The following FOXN3 variants were observed in gnomAD, a reference collection of about 807,000 sequenced individuals.
The protein encoded by FOXN3 is forkhead box protein N3.
Under a neutral mutation model 38.4 loss-of-function variants are expected in FOXN3, and 7 were observed. The ratio of observed to expected loss-of-function variants is 0.18; its 90% CI spans 0.10 to 0.34. The LOEUF (loss-of-function observed/expected upper bound fraction) is 0.34. FOXN3 is among the 10% of genes least tolerant of loss of function. The pLI, the probability that FOXN3 is intolerant of heterozygous loss-of-function variation, is 1.00. For missense variants in FOXN3, 456 were observed against 613.4 expected, an observed-to-expected ratio of 0.74 and a Z score of 2.71; for synonymous variants, 230 against 242.2, an observed-to-expected ratio of 0.95 and a Z score of 0.47.
At chr14:89,359,321 T>A (rs1439141853) in intron 2 of FOXN3, among the ~76,000 whole-genome samples, 3 of 149,306 alleles carry the variant, frequency 2.0e-5, no homozygotes, top group African/African-American at 5.0e-5. Flanking sequence ...AAAAAAAAAA[T>A]CAGCTCTTGT....
At chr14:89,193,467 G>A (rs535157074) in intron 4 of FOXN3, among the ~76,000 whole-genome samples, 4 of 152,234 alleles carry the variant, frequency 2.6e-5, no homozygotes, top group South Asian at 4.1e-4. Flanking sequence ...ACCTAAGTGG[G>A]ACATTCCCAA....
chr14:89,279,569 C>A (rs1249813527), intron 4 of FOXN3, among the ~76,000 whole-genome samples: 2 of 152,090 alleles, frequency 1.3e-5, no homozygotes, highest in East Asian at 3.8e-4. Context: ...TGAAAAGAAC[C>A]CAAAGGCTGA....
intron 4 of FOXN3, among the ~76,000 whole-genome samples, chr14:89,252,871 C>G (rs58218706): frequency 0.041 from 6,247 of 152,238 alleles, 270 homozygotes; most frequent in African/African-American, 0.11. Context: ...CATGCGTTTT[C>G]AACTGAGTGT....
rs182065842 is a variant in FOXN3 at position 89,498,400 on chromosome 14, T to C, written c.-14-85910A>G. On this transcript the variant is annotated intron_variant, in intron 1 of 6. Transcript: ENST00000345097. ...ACCACACCCAGCTAAATTTTTTGTA[T>C]TTTTAGTAGAGATGGGGTTTCACTG... is the stretch of plus-strand genomic sequence containing the variant. Among the ~76,000 whole-genome samples, 506 of 152,046 alleles carry C rather than the reference T, an allele frequency of 3.3e-3. 9 individuals are homozygous for C. The highest frequency in any genetic ancestry group is 1.2e-3 in the Non-Finnish European group (84 of 67,986).
intron 3 of FOXN3, among the ~76,000 whole-genome samples, chr14:89,327,673 G>C (rs1482405712): frequency 3.3e-5 from 5 of 152,322 alleles, no homozygotes; most frequent in African/African-American, 1.2e-4. Context: ...GGGCCTCAAA[G>C]TGTTGCTAGG....
Position 89,323,747 on chromosome 14 carries a change from G to A in FOXN3, c.680+26925C>T, listed in dbSNP as rs57106394. Among the ~76,000 whole-genome samples, 69 of 78,726 alleles carry A rather than the reference G, an allele frequency of 8.8e-4. No homozygotes were observed. In the East Asian group the frequency reaches 0.017, roughly 19 times the overall value. The allele number at this position is 78,726 out of a possible 152,430, so 51.6% of individuals were successfully genotyped here. On this transcript the variant is annotated intron_variant, in intron 3 of 5. Coordinates refer to ENST00000557258, the MANE Select transcript of FOXN3 (RefSeq NM_005197.4). Reference sequence around the variant, plus strand: ...ACAAACAAACAAACAAACAAAAAACGGAGAGGACCCATGGCAGTGACAACA... The same window carrying A: ...ACAAACAAACAAACAAACAAAAAACAGAGAGGACCCATGGCAGTGACAACA...
At chr14:89,491,454 A>G (rs1893573395) in intron 1 of FOXN3, among the ~76,000 whole-genome samples, 1 of 152,246 alleles carries the variant, frequency 6.6e-6, no homozygotes, top group South Asian at 2.1e-4. Flanking sequence ...GCATCTGGAC[A>G]GAGGTAACGG....
At chr14:89,568,543 G>A (rs1368875597) in intron 1 of FOXN3, among the ~76,000 whole-genome samples, 2 of 152,286 alleles carry the variant, frequency 1.3e-5, no homozygotes, top group East Asian at 1.9e-4. Flanking sequence ...GAACTCCTTC[G>A]GGATTTTTAG....
intron 1 of FOXN3, among the ~76,000 whole-genome samples, chr14:89,505,817 T>C (rs1341217905): frequency 6.7e-6 from 1 of 150,140 alleles, no homozygotes; most frequent in Non-Finnish European, 1.5e-5. Flanking sequence ...CACCATCCCA[T>C]CTAGGAAGTG....
chr14:89,611,354 T>G (rs867294592), intron 1 of FOXN3, among the ~76,000 whole-genome samples: 3 of 152,208 alleles, frequency 2.0e-5, no homozygotes, highest in South Asian at 4.1e-4. Flanking sequence ...GAGTGCTGTC[T>G]AGGAAATCTG....
intron 2 of FOXN3, among the ~76,000 whole-genome samples, chr14:89,367,678 T>C (rs976915828): frequency 1.3e-5 from 2 of 151,676 alleles, no homozygotes; most frequent in African/African-American, 4.9e-5. Flanking sequence ...GGTAGGGGGA[T>C]GGAGGAAAAA....
intron 3 of FOXN3, among the ~76,000 whole-genome samples, chr14:89,316,795 A>T (rs1307324267): frequency 1.3e-5 from 2 of 151,926 alleles, no homozygotes; most frequent in African/African-American, 4.8e-5. Flanking sequence ...CCTCCCGAGT[A>T]GCTAGATTAC....
rs1596187737 is a variant in FOXN3, at chr14:89,328,696, G to C, written c.680+21976C>G. On this transcript the variant is annotated intron_variant, in intron 3 of 5. Coordinates refer to ENST00000557258, the MANE Select transcript of FOXN3 (RefSeq NM_005197.4). ...ACATTCCCACTAGCACAGCCTCAAA[G>C]GGAAACGGAGGCTTGGCTTTTTGGA... 3.3e-5 allele frequency among the ~76,000 whole-genome samples: 5 copies of C among 152,242 alleles called. No homozygotes were observed. The South Asian group carries it at 1.0e-3, about 32-fold the overall frequency.
At chr14:89,508,474 G>A (rs144990310) in intron 1 of FOXN3, among the ~76,000 whole-genome samples, 11 of 152,324 alleles carry the variant, frequency 7.2e-5, no homozygotes, top group African/African-American at 2.6e-4. Flanking sequence ...CACCACCCCA[G>A]AGAGAGATTG....
intron 1 of FOXN3, among the ~76,000 whole-genome samples, chr14:89,516,649 G>A (rs1464432795): frequency 6.8e-6 from 1 of 147,792 alleles, no homozygotes; most frequent in African/African-American, 2.5e-5. Context: ...GCAGCCTCAA[G>A]TTCCTGGACT....
At chr14:89,182,911 G>GA (rs923370644) in intron 4 of FOXN3, among the ~76,000 whole-genome samples, 1 of 152,042 alleles carries the variant, frequency 6.6e-6, no homozygotes, top group African/African-American at 2.4e-5. Flanking sequence ...ATCCATTTGG[G>GA]AAAAAAATGA....
intron 3 of FOXN3, among the ~76,000 whole-genome samples, chr14:89,285,305 G>A (rs879316780): frequency 3.3e-5 from 5 of 152,184 alleles, no homozygotes; most frequent in African/African-American, 4.8e-5. Flanking sequence ...CAGATCACAA[G>A]GTCAGGAGTT....
chr14:89,516,835 T>A (rs1212314391), intron 1 of FOXN3, among the ~76,000 whole-genome samples: 2 of 152,210 alleles, frequency 1.3e-5, no homozygotes, highest in Non-Finnish European at 2.9e-5. Context: ...AGTGTTGGGA[T>A]GACAGGTGTG....
chr14:89,286,056 G>A (rs2041745), intron 3 of FOXN3, among the ~76,000 whole-genome samples: 77,148 of 151,072 alleles, frequency 0.51, 20,308 homozygotes, highest in East Asian at 0.67. Context: ...GTTGTTTGTA[G>A]GACAGGGTCT....
Sources: gnomAD v4.1 joint callset for allele counts (sites outside exome capture counted in the v4.1 genomes callset) on GRCh38, gnomAD v4.1.1 for gene constraint, MANE v1.5 for transcripts, NCBI Gene and HGNC (gene_info 2026-07-23, HGNC 2026-07-21) for gene names.